Variants in C1orf167 observed in about 807,000 individuals in gnomAD.
The protein encoded by C1orf167 is uncharacterized protein C1orf167.
Under a neutral mutation model 176.5 loss-of-function variants are expected in C1orf167, and 153 were observed. That is an observed-to-expected ratio of 0.87 (90% confidence interval 0.76 to 0.99). C1orf167 has a LOEUF of 0.99. C1orf167 is among the 50% of genes least tolerant of loss of function. The probability of loss-of-function intolerance (pLI) is 0.00; values close to 1 mark genes in which losing one functional copy is unlikely to be tolerated. For missense variants in C1orf167, 1,490 were observed against 1,817.7 expected, an observed-to-expected ratio of 0.82 and a Z score of 3.28; for synonymous variants, 594 against 752.7, an observed-to-expected ratio of 0.79 and a Z score of 3.45.
At position 11,773,321 on chromosome 1, in the gene C1orf167, G is replaced by A. The variant is rs191240155; in HGVS notation, c.1988+1062G>A. Among the ~76,000 whole-genome samples the A allele has an allele frequency of 3.5e-4, 53 of 152,162 alleles. No homozygotes were observed. In the East Asian group the frequency reaches 7.9e-3, roughly 23 times the overall value. ...CATGTGTACTCCAAATACATCCCCC[G>A]CTCCAAATTATTTTGAGGCAAATCC... On this transcript the variant is annotated intron_variant, in intron 8 of 20. Coordinates refer to ENST00000688073, the MANE Select transcript of C1orf167 (RefSeq NM_001010881.2).
intron 15 of C1orf167, 105 bp downstream of exon 15, chr1:11,784,698 A>C (rs1643762663): frequency 8.7e-7 from 1 of 1,149,714 alleles, no homozygotes; most frequent in Non-Finnish European, 1.1e-6. Context: ...GTGGCAGGGC[A>C]AAGGCTCAAG....
intron 8 of C1orf167, among the ~76,000 whole-genome samples, chr1:11,772,675 C>A (rs1484031661): frequency 6.6e-6 from 1 of 152,154 alleles, no homozygotes; most frequent in East Asian, 1.9e-4. Flanking sequence ...GCTAGCCCGC[C>A]CCACTGGCTG....
At chr1:11,767,976 A>G (rs2100259864) in intron 4 of C1orf167, 101 bp from the exon 5 acceptor site, 4 of 921,056 alleles carry the variant, frequency 4.3e-6, no homozygotes, top group Non-Finnish European at 4.3e-6. Flanking sequence ...TCATCACCCT[A>G]CTGATTGCTG....
At chr1:11,778,294 A>C (rs1643418217) in intron 10 of C1orf167, 2 of 27,532 alleles carry the variant, frequency 7.3e-5, no homozygotes, top group Non-Finnish European at 1.1e-4. Context: ...CCTGTCTCAA[A>C]AAAAAAAAAA....
rs1642922756 is a variant in C1orf167 at position 11,768,892 on chromosome 1, C to T, written c.1543-81C>T. On this transcript the variant is annotated intron_variant, in intron 5 of 20. Transcript: ENST00000688073. The surrounding 1 kb of genome is among the most constrained non-coding windows in gnomAD (Gnocchi z 4.5). ...TGGAATCTGATAGGCATGTGTTACT[C>T]CTGTCCCCGCCCCTGCCTGGTGTTC... 1.1e-6 allele frequency: 1 copy of T among 948,524 alleles called. No individual in the cohort carries two copies. Among genetic ancestry groups the T allele is most frequent in the Non-Finnish European group, 1.3e-6 (1 of 795,944 alleles). 58.8% of individuals were successfully genotyped at this position (948,524 alleles called of 1,614,324 possible). A position where few individuals can be genotyped will look rare whatever the true frequency, so the allele number is the denominator to read the frequency against.
At chr1:11,782,742 G>T (rs2100390470) in intron 14 of C1orf167, among the ~76,000 whole-genome samples, 1 of 152,228 alleles carries the variant, frequency 6.6e-6, no homozygotes, top group African/African-American at 2.4e-5. Context: ...CCAACATGGT[G>T]AAACCCCATC....
At chr1:11,778,463 T>C (rs567629747) in intron 10 of C1orf167, among the ~76,000 whole-genome samples, 197 bp from the exon 11 acceptor site, 110 of 152,330 alleles carry the variant, frequency 7.2e-4, no homozygotes, top group African/African-American at 2.6e-3. Context: ...TCGGTACCTC[T>C]TGAAGCCCCC....
intron 19 of C1orf167, 43 bp downstream of exon 19, chr1:11,788,421 C>A: frequency 7.9e-7 from 1 of 1,264,116 alleles, no homozygotes; most frequent in Non-Finnish European, 1.0e-6. Context: ...TCTCCCATTT[C>A]ACCTCATACT....
At position 11,785,192 on chromosome 1, in the gene C1orf167, A is replaced by G. The variant is rs1047916069; in HGVS notation, c.3470A>G (p.Gln1157Arg). 1.5e-5 allele frequency: 20 copies of G among 1,291,538 alleles called. No homozygotes were observed. In the Admixed American group the frequency reaches 4.6e-4, roughly 30 times the overall value. 80.0% of individuals were successfully genotyped at this position (1,291,538 alleles called of 1,614,324 possible). A position where few individuals can be genotyped will look rare whatever the true frequency, so the allele number is the denominator to read the frequency against. The stretch of plus-strand genomic sequence containing the variant: ...CAGTCGGCGGTGCGCGGCGGTGTCC[A>G]GCGAGCCATCCTCACCCAGCTCCGG... ...SVQSAVRGGV[Q>R]RAILTQLRPA... Residue 1157 changes from glutamine (Q) to arginine (R), a missense_variant, in exon 16 of 21, where the codon CAG becomes CGG. Coordinates refer to ENST00000688073, the MANE Select transcript of C1orf167 (RefSeq NM_001010881.2).
Position 11,784,223 on chromosome 1 carries a change from G to A in C1orf167, c.3055G>A (p.Ala1019Thr). The A allele has an allele frequency of 2.3e-6, 3 of 1,282,714 alleles. No homozygotes were observed. Among genetic ancestry groups the A allele is most frequent in the South Asian group, 2.6e-5 (2 of 77,708 alleles). 79.5% of individuals were successfully genotyped at this position (1,282,714 alleles called of 1,614,324 possible). A position where few individuals can be genotyped will look rare whatever the true frequency, so the allele number is the denominator to read the frequency against. ...TGTAAGAGACACGGGGGTGCTCCGGGCCCAGCATCAAGCCTTTCAGGATGG... is the reference window on the plus strand; with the variant it reads ...TGTAAGAGACACGGGGGTGCTCCGGACCCAGCATCAAGCCTTTCAGGATGG... ...EVVRDTGVLR[A>T]QHQAFQDGLR... Residue 1019 changes from alanine to threonine, a missense_variant, in exon 15 of 21, where the codon GCC becomes ACC. By Grantham distance (58) the Ala-to-Thr change is moderately conservative (BLOSUM62 0). Coordinates refer to ENST00000688073, the MANE Select transcript of C1orf167 (RefSeq NM_001010881.2).
chr1:11,788,286 G>A lies in C1orf167; in HGVS notation c.3986G>A (p.Arg1329Gln), dbSNP rs1008221306. Reference protein sequence around the residue: ...AAPVPRGTASRAAGFPAGQVP... With the variant: ...AAPVPRGTASQAAGFPAGQVP... ...CCGGTGCCTCGAGGCACTGCTTCACGGGCTGCGGGGTTCCCAGCAGGCCAG... is the reference window on the plus strand; with the variant it reads ...CCGGTGCCTCGAGGCACTGCTTCACAGGCTGCGGGGTTCCCAGCAGGCCAG... The change falls in exon 19 of 21, where the codon CGG becomes CAG. Residue 1329 changes from arginine to glutamine, a missense_variant. By Grantham distance (43) the Arg-to-Gln change is conservative (BLOSUM62 1). Coordinates refer to ENST00000688073, the MANE Select transcript of C1orf167 (RefSeq NM_001010881.2). 15 of 1,303,574 alleles carry A rather than the reference G, an allele frequency of 1.2e-5. No individual in the cohort carries two copies. Among genetic ancestry groups the A allele is most frequent in the Non-Finnish European group, 1.3e-5 (13 of 988,622 alleles). 80.8% of individuals were successfully genotyped at this position (1,303,574 alleles called of 1,614,324 possible).
At position 11,784,353 on chromosome 1, in the gene C1orf167, G is replaced by C; in HGVS notation, c.3185G>C (p.Arg1062Pro). The C allele has an allele frequency of 7.7e-7, 1 of 1,304,002 alleles. No homozygotes were observed. Among genetic ancestry groups the C allele is most frequent in the South Asian group, 1.2e-5 (1 of 80,972 alleles). The allele number at this position is 1,304,002 out of a possible 1,614,324, so 80.8% of individuals were successfully genotyped here. A position where few individuals can be genotyped will look rare whatever the true frequency, so the allele number is the denominator to read the frequency against. Residue 1062 changes from arginine to proline, a missense_variant, in exon 15 of 21, where the codon CGC (arginine) becomes CCC (proline). By Grantham distance (103) the Arg-to-Pro change is moderately radical. Coordinates refer to ENST00000688073, the MANE Select transcript of C1orf167 (RefSeq NM_001010881.2). ...CGTGTGGCCCAGGCCTCCCTTGCCC[G>C]CTGGAGAAGCTGCGGGCAGCAAGGC... The part of the protein sequence containing the change: ...EQRVAQASLA[R>P]WRSCGQQGQE...
chr1:11,771,684 C>A (rs559898450), intron 7 of C1orf167, 48 bp downstream of exon 7: 2 of 1,233,366 alleles, frequency 1.6e-6, no homozygotes, highest in African/African-American at 1.5e-5. Flanking sequence ...CCTGGCCACG[C>A]AGGGCCTGAG....
intron 8 of C1orf167, among the ~76,000 whole-genome samples, chr1:11,774,721 C>T (rs1301337618): frequency 6.6e-6 from 1 of 152,142 alleles, no homozygotes; most frequent in Non-Finnish European, 1.5e-5. Flanking sequence ...AGATCAGCAC[C>T]TGGTTGGCTG....
Position 11,766,479 on chromosome 1 carries a change from C to G in C1orf167, c.693C>G (p.Ala231=), listed in dbSNP as rs139738874. 4 of 1,286,118 alleles carry G rather than the reference C, an allele frequency of 3.1e-6. No individual in the cohort carries two copies. The African/African-American group carries it at 6.1e-5, about 20-fold the overall frequency. The allele number at this position is 1,286,118 out of a possible 1,614,324, so 79.7% of individuals were successfully genotyped here. ...TCCCCAGTCAGAACCAGACTCAGGC[C>G]CCATCCCGTGCTGCCGTCCACCAGC... ...LAVPSQNQTQ[A]PSRAAVHQLL... Residue 231 remains alanine, a synonymous_variant, in exon 3 of 21, where the codon GCC becomes GCG. Coordinates refer to ENST00000688073, the MANE Select transcript of C1orf167 (RefSeq NM_001010881.2). This position sits in a 1 kb window ranked among gnomAD's most constrained non-coding sequence, Gnocchi z 4.5.
intron 9 of C1orf167, 140 bp from the exon 10 acceptor site, chr1:11,776,323 TG>T: frequency 1.4e-6 from 1 of 692,164 alleles, no homozygotes; most frequent in Non-Finnish European, 2.0e-6. Context: ...TGAGGTGACC[TG>T]GAGGGGAGGG....
At chr1:11,780,789 G>A (rs1029823363) in intron 13 of C1orf167, among the ~76,000 whole-genome samples, 1 of 152,068 alleles carries the variant, frequency 6.6e-6, no homozygotes, top group Non-Finnish European at 1.5e-5. Context: ...TCAGCGGGCA[G>A]AGCAGTGGCG....
At chr1:11,765,306 G>T (rs1240074859) in intron 2 of C1orf167, among the ~76,000 whole-genome samples, 1 of 151,952 alleles carries the variant, frequency 6.6e-6, no homozygotes, top group Non-Finnish European at 1.5e-5. Flanking sequence ...TCCCCACAAG[G>T]ACTCTGTGCC....
Position 11,766,970 on chromosome 1 carries a change from G to T in C1orf167, c.1184G>T (p.Gly395Val). Reference sequence around the variant, plus strand: ...TCAGCCTTCTCCAACACAGCCTGGGGAGTCTCACCCAAGCAGAAAGGAGAG... The same window carrying T: ...TCAGCCTTCTCCAACACAGCCTGGGTAGTCTCACCCAAGCAGAAAGGAGAG... The part of the protein sequence containing the change: ...CSSAFSNTAW[G>V]VSPKQKGEEG... Residue 395 changes from glycine to valine, a missense_variant, in exon 3 of 21, where the codon GGA (glycine) becomes GTA (valine). Physicochemically the swap from Gly to Val is moderately radical, Grantham distance 109. Coordinates refer to ENST00000688073, the MANE Select transcript of C1orf167 (RefSeq NM_001010881.2). This position sits in a 1 kb window ranked among gnomAD's most constrained non-coding sequence, Gnocchi z 4.5. The T allele has an allele frequency of 8.3e-7, 1 of 1,208,328 alleles. No homozygotes were observed. Among genetic ancestry groups the T allele is most frequent in the African/African-American group, 1.6e-5 (1 of 63,378 alleles). The allele number at this position is 1,208,328 out of a possible 1,614,324, so 74.9% of individuals were successfully genotyped here. A position where few individuals can be genotyped will look rare whatever the true frequency, so the allele number is the denominator to read the frequency against.
Sources: allele counts gnomAD v4.1 joint callset (sites outside exome capture counted in the v4.1 genomes callset), GRCh38; gene constraint gnomAD v4.1.1; non-coding constraint Gnocchi (gnomAD v3.1); transcripts MANE v1.5; gene names NCBI Gene and HGNC (gene_info 2026-07-23, HGNC 2026-07-21).